The following MACROH2A1 variants were observed in gnomAD, a reference collection of about 807,000 sequenced individuals.
MACROH2A1 encodes macroH2A.1 histone, also known as core histone macro-H2A.1.
A neutral mutation model predicts 31.6 loss-of-function variants in MACROH2A1; 2 were observed. The ratio of observed to expected loss-of-function variants is 0.06; its 90% CI spans 0.03 to 0.20. The LOEUF is 0.20. Among genes scored for constraint, MACROH2A1 ranks in the 10% least tolerant of loss-of-function variants. MACROH2A1 has a pLI of 1.00. For missense variants in MACROH2A1, 230 were observed against 474.0 expected (o/e 0.49, Z 4.78); for synonymous variants, 169 against 189.6 (o/e 0.89, Z 0.89).
chr5:135,349,770 T>C (rs1184233390), intron 6 of MACROH2A1, among the ~76,000 whole-genome samples: 1 of 152,168 alleles, frequency 6.6e-6, no homozygotes, highest in Non-Finnish European at 1.5e-5. Context: ...ACATTTACTA[T>C]AAAAATTATA....
intron 2 of MACROH2A1, among the ~76,000 whole-genome samples, chr5:135,373,361 AGC>A (rs1764435611): frequency 1.3e-5 from 2 of 152,186 alleles, no homozygotes; most frequent in Non-Finnish European, 2.9e-5. Context: ...AAGAACAGAA[AGC>A]AACAGAGTAG....
rs1037835379 is a variant in MACROH2A1 at position 135,394,492 on chromosome 5, C to A, written c.-34+4570G>T. On this transcript the variant is annotated intron_variant, in intron 1 of 8. Coordinates refer to ENST00000511689, the MANE Select transcript of MACROH2A1 (RefSeq NM_138610.3). The stretch of plus-strand genomic sequence containing the variant: ...ATCCACCGGGATGAATTTCTCCCTC[C>A]CAGTTCCCTCAATGGATGTGGCAGC... Among the ~76,000 whole-genome samples the A allele has an allele frequency of 2.0e-5, 3 of 152,166 alleles. No individual in the cohort carries two copies. In the South Asian group the frequency reaches 6.2e-4, roughly 32 times the overall value.
chr5:135,366,115 G>C (rs539239096), intron 4 of MACROH2A1, among the ~76,000 whole-genome samples: 1 of 152,216 alleles, frequency 6.6e-6, no homozygotes, highest in African/African-American at 2.4e-5. Context: ...CCTGTGAAGA[G>C]GTGCCTTTTG....
intron 4 of MACROH2A1, chr5:135,360,833 C>A (rs1380828819): frequency 1.9e-5 from 13 of 672,530 alleles, no homozygotes; most frequent in South Asian, 7.8e-5. Context: ...TAAAAAAAAA[C>A]CAGCCACTTA....
chr5:135,396,622 C>T (rs1377930407), intron 1 of MACROH2A1, among the ~76,000 whole-genome samples: 1 of 151,984 alleles, frequency 6.6e-6, no homozygotes, highest in African/African-American at 2.4e-5. Context: ...CTTTCCAAGC[C>T]AGATAAGGGC....
At chr5:135,362,644 G>T (rs1409802358) in intron 4 of MACROH2A1, 1 of 152,086 alleles carries the variant, frequency 6.6e-6, no homozygotes, top group Non-Finnish European at 1.5e-5. Flanking sequence ...CCCATTACAA[G>T]ATGTTTTTCC....
At chr5:135,396,706 T>C (rs577932427) in intron 1 of MACROH2A1, among the ~76,000 whole-genome samples, 1 of 152,010 alleles carries the variant, frequency 6.6e-6, no homozygotes, top group Non-Finnish European at 1.5e-5. Flanking sequence ...CAACAGCTAC[T>C]TGCCTGCCTT....
intron 7 of MACROH2A1, chr5:135,345,611 G>A (rs1581158016): frequency 5.1e-6 from 1 of 196,160 alleles, no homozygotes; most frequent in East Asian, 1.2e-4. Context: ...CACACAGATG[G>A]CTGAAGATTT....
At chr5:135,385,916 C>T (rs909443172) in intron 2 of MACROH2A1, among the ~76,000 whole-genome samples, 1 of 152,202 alleles carries the variant, frequency 6.6e-6, no homozygotes. Context: ...CTGATCACTC[C>T]TGCACTCTCA....
chr5:135,344,030 C>T (rs1461464583), intron 7 of MACROH2A1: 1 of 154,102 alleles, frequency 6.5e-6, no homozygotes, highest in Non-Finnish European at 1.4e-5. Context: ...GTGTGAATAA[C>T]GGATCCTGTT....
At chr5:135,376,574 G>A (rs1764900666) in intron 2 of MACROH2A1, among the ~76,000 whole-genome samples, 1 of 152,188 alleles carries the variant, frequency 6.6e-6, no homozygotes, top group East Asian at 1.9e-4. Flanking sequence ...TCTGTCTGCA[G>A]GGGAGGGCAG....
chr5:135,371,133 C>G (rs933033609), intron 2 of MACROH2A1, among the ~76,000 whole-genome samples: 1 of 152,072 alleles, frequency 6.6e-6, no homozygotes, highest in Non-Finnish European at 1.5e-5. Context: ...GGACATTATG[C>G]TAAGTGAAAT....
chr5:135,359,632 T>C, intron 5 of MACROH2A1: 1 of 985,232 alleles, frequency 1.0e-6, no homozygotes, highest in Non-Finnish European at 1.2e-6. Flanking sequence ...CGTGTCACTG[T>C]GATGCAAAAG....
Position 135,345,957 on chromosome 5 carries a change from T to TGG in MACROH2A1, c.778+10_778+11insCC. 1.9e-6 allele frequency: 3 copies of TGG among 1,584,722 alleles called. No homozygotes were observed. The highest frequency in any genetic ancestry group is 1.3e-5 in the African/African-American group (1 of 74,458). On this transcript the variant is annotated intron_variant, in intron 7 of 8. Coordinates refer to ENST00000511689, the MANE Select transcript of MACROH2A1 (RefSeq NM_138610.3). ...CACAACCAGATAAGCACGGTGGCTT[T>TGG]CCCACCTCACCTCCAGCTACTTCCA...
intron 6 of MACROH2A1, among the ~76,000 whole-genome samples, chr5:135,348,296 T>A (rs1326041956): frequency 6.6e-6 from 1 of 152,246 alleles, no homozygotes; most frequent in African/African-American, 2.4e-5. Context: ...GGGTTAATCA[T>A]AAAGCAATTG....
chr5:135,382,184 C>T (rs1390323139), intron 2 of MACROH2A1, among the ~76,000 whole-genome samples: 3 of 152,048 alleles, frequency 2.0e-5, no homozygotes, highest in African/African-American at 7.2e-5. Context: ...TCATATGGAA[C>T]TTGTCTACCA....
At position 135,398,905 on chromosome 5, in the gene MACROH2A1, C is replaced by T. The variant is rs903869650; in HGVS notation, c.-34+157G>A. 1.3e-5 allele frequency among the ~76,000 whole-genome samples: 2 copies of T among 150,984 alleles called. No individual in the cohort carries two copies. Among genetic ancestry groups the T allele is most frequent in the African/African-American group, 4.9e-5 (2 of 41,206 alleles). On this transcript the variant is annotated intron_variant, in intron 1 of 8. Transcript: ENST00000511689. This position sits in a 1 kb window ranked among gnomAD's most constrained non-coding sequence, Gnocchi z 4.6. ...ACAAGGCCTGGGAGGACGTAGTGCA[C>T]GCGCGAGGACCCGGCGTGGGCCACA...
At chr5:135,366,423 A>T (rs1252952559) in intron 4 of MACROH2A1, among the ~76,000 whole-genome samples, 1 of 152,056 alleles carries the variant, frequency 6.6e-6, no homozygotes, top group African/African-American at 2.4e-5. Context: ...CCTCACAACC[A>T]CTTGTGTTAC....
At chr5:135,366,581 T>G (rs563018328) in intron 4 of MACROH2A1, among the ~76,000 whole-genome samples, 1 of 150,960 alleles carries the variant, frequency 6.6e-6, no homozygotes, top group African/African-American at 2.4e-5. Context: ...CGATTTTTAT[T>G]TAAAAAAAAA....
Sources: gnomAD v4.1 joint callset for allele counts (sites outside exome capture counted in the v4.1 genomes callset) on GRCh38, gnomAD v4.1.1 for gene constraint, Gnocchi (gnomAD v3.1) non-coding constraint, MANE v1.5 for transcripts, NCBI Gene and HGNC (gene_info 2026-07-23, HGNC 2026-07-21) for gene names.